The following LARP4B variants were observed in gnomAD, a reference collection of about 807,000 sequenced individuals.
The protein encoded by LARP4B is La ribonucleoprotein 4B.
In LARP4B, 12 loss-of-function variants were observed where a neutral mutation model predicts 89.8. The ratio of observed to expected loss-of-function variants is 0.13; its 90% confidence interval spans 0.09 to 0.22. The LOEUF (loss-of-function observed/expected upper bound fraction) is 0.22. Ranked by LOEUF, LARP4B falls within the 10% of genes least tolerant of loss-of-function variation. LARP4B has a pLI of 1.00. For synonymous variants in LARP4B, 367 were observed against 363.3 expected (o/e 1.01, Z -0.12); for missense variants, 757 against 947.7 (o/e 0.80, Z 2.64).
intron 5 of LARP4B, among the ~76,000 whole-genome samples, chr10:853,837 T>A (rs1834171438): frequency 6.6e-6 from 1 of 152,194 alleles, no homozygotes; most frequent in Non-Finnish European, 1.5e-5. Context: ...CTGCGGCAAT[T>A]TCTTAAGACA....
the LARP4B span, among the ~76,000 whole-genome samples, chr10:940,109 C>G: frequency 6.6e-6 from 1 of 150,976 alleles, no homozygotes; most frequent in African/African-American, 2.5e-5. Context: ...CATCCACCTC[C>G]CGGGTTCAAG....
chr10:875,915 C>T (rs1382326950), intron 3 of LARP4B, among the ~76,000 whole-genome samples: 1 of 152,152 alleles, frequency 6.6e-6, no homozygotes, highest in African/African-American at 2.4e-5. Flanking sequence ...CATCCCAATA[C>T]CTCCAATAGT....
chr10:821,453 C>A (rs893100805), intron 13 of LARP4B, among the ~76,000 whole-genome samples: 8 of 152,340 alleles, frequency 5.3e-5, no homozygotes, highest in Non-Finnish European at 1.2e-4. Flanking sequence ...GGCCACGCCA[C>A]ACACGCAGTT....
chr10:932,584 C>T, upstream of LARP4B, among the ~76,000 whole-genome samples: 1 of 117,102 alleles, frequency 8.5e-6, no homozygotes, highest in African/African-American at 3.3e-5. Context: ...ACACCCGGGA[C>T]CAAGGCCCCG....
At chr10:932,243 C>T (rs1179887028), upstream of LARP4B, among the ~76,000 whole-genome samples, 1 of 148,544 alleles carries the variant, frequency 6.7e-6, no homozygotes, top group East Asian at 2.0e-4. Context: ...CAGGACACGC[C>T]CTGGCCCTTC....
the LARP4B span, among the ~76,000 whole-genome samples, chr10:944,087 G>T: frequency 6.6e-6 from 1 of 152,206 alleles, no homozygotes. Context: ...GGTCAGACTT[G>T]TCTGTTTCTT....
At chr10:815,396 C>T (rs189048678) in intron 15 of LARP4B, 38 of 189,916 alleles carry the variant, frequency 2.0e-4, no homozygotes, top group African/African-American at 7.9e-4. Flanking sequence ...GGGCCCAGCA[C>T]GGCACGGCAC....
chr10:850,129 G>T (rs1833968464), intron 5 of LARP4B, among the ~76,000 whole-genome samples: 1 of 152,208 alleles, frequency 6.6e-6, no homozygotes, highest in Non-Finnish European at 1.5e-5. Context: ...TGGGAATTCT[G>T]TGTGTTCAAT....
chr10:919,174 C>T (rs1836911999), intron 1 of LARP4B, among the ~76,000 whole-genome samples: 1 of 152,146 alleles, frequency 6.6e-6, no homozygotes, highest in Non-Finnish European at 1.5e-5. Context: ...AGTTATTAAA[C>T]TATTAAGTAC....
intron 1 of LARP4B, among the ~76,000 whole-genome samples, chr10:929,213 A>G (rs1335632002): frequency 6.6e-6 from 1 of 152,096 alleles, no homozygotes; most frequent in Non-Finnish European, 1.5e-5. Flanking sequence ...ATACATGTGT[A>G]AACAAGCCAA....
chr10:854,396 T>A (rs892971345), intron 5 of LARP4B, among the ~76,000 whole-genome samples: 2 of 152,196 alleles, frequency 1.3e-5, no homozygotes, highest in Non-Finnish European at 2.9e-5. Context: ...TAGAGCCTTA[T>A]GAAATGTATT....
At position 894,782 on chromosome 10, in the gene LARP4B, G is replaced by A. The variant is rs1836137509; in HGVS notation, c.-39-9022C>T. 2.0e-5 allele frequency among the ~76,000 whole-genome samples: 3 copies of A among 152,212 alleles called. No homozygotes were observed. In the South Asian group the frequency reaches 6.2e-4, roughly 32 times the overall value. Reference sequence around the variant, plus strand: ...AATTTTTTTGGTAAGTTTAAGGGAAGAGAAGAAACAAAAATATATGAATGG... The same window carrying A: ...AATTTTTTTGGTAAGTTTAAGGGAAAAGAAGAAACAAAAATATATGAATGG... On this transcript the variant is annotated intron_variant, in intron 1 of 17. Transcript: ENST00000316157.
intron 1 of LARP4B, among the ~76,000 whole-genome samples, chr10:922,673 TGTTAA>T (rs1837012008): frequency 7.8e-6 from 1 of 128,274 alleles, no homozygotes; most frequent in Non-Finnish European, 1.7e-5. Flanking sequence ...AGACCCCGTC[TGTTAA>T]ATAAATAAAT....
intron 3 of LARP4B, among the ~76,000 whole-genome samples, chr10:866,655 C>T (rs1368679351): frequency 6.6e-6 from 1 of 152,246 alleles, no homozygotes; most frequent in Non-Finnish European, 1.5e-5. Flanking sequence ...ACCACCACCA[C>T]ACAATCCAGT....
intron 7 of LARP4B, 22 bp from the exon 8 acceptor site, chr10:836,528 A>G: frequency 7.0e-7 from 1 of 1,429,090 alleles, no homozygotes; most frequent in Non-Finnish European, 9.8e-7. Context: ...AGAAAAATCA[A>G]TGGTGAAACA....
intron 1 of LARP4B, among the ~76,000 whole-genome samples, chr10:924,940 G>A (rs1837096027): frequency 6.6e-6 from 1 of 152,206 alleles, no homozygotes; most frequent in Non-Finnish European, 1.5e-5. Flanking sequence ...TTCATACTGA[G>A]GAGCAAAATA....
At chr10:947,875 G>A in the LARP4B span, among the ~76,000 whole-genome samples, 1 of 151,936 alleles carries the variant, frequency 6.6e-6, no homozygotes, top group African/African-American at 2.4e-5. Context: ...TGCCCACCTC[G>A]GCCTCCAAAA....
At chr10:844,396 T>TA (rs2131738277) in intron 6 of LARP4B, among the ~76,000 whole-genome samples, 1 of 152,284 alleles carries the variant, frequency 6.6e-6, no homozygotes, top group East Asian at 1.9e-4. Context: ...AAGGAGCCCC[T>TA]AGCAGACACC....
chr10:846,833 A>T (rs2131749800), intron 5 of LARP4B, among the ~76,000 whole-genome samples: 1 of 152,200 alleles, frequency 6.6e-6, no homozygotes, highest in South Asian at 2.1e-4. Context: ...TGAACCCGGG[A>T]CACTCCCACC....
Sources: allele counts gnomAD v4.1 joint callset (sites outside exome capture counted in the v4.1 genomes callset), GRCh38; gene constraint gnomAD v4.1.1; transcripts MANE v1.5; gene names NCBI Gene and HGNC (gene_info 2026-07-23, HGNC 2026-07-21).